The following ACOXL variants were observed in gnomAD, a reference collection of about 807,000 sequenced individuals.
The protein encoded by ACOXL is acyl-CoA oxidase like.
ACOXL carries 70 observed loss-of-function variants against 71.9 expected under a neutral mutation model. That is an observed-to-expected ratio of 0.97 (90% CI 0.80 to 1.19). The LOEUF (loss-of-function observed/expected upper bound fraction) is 1.19, where lower values mean the gene tolerates loss of function less well. ACOXL is among the 50% of genes most tolerant of loss of function. The probability of loss-of-function intolerance (pLI) is 0.00; values close to 1 mark genes in which losing one functional copy is unlikely to be tolerated. For synonymous variants in ACOXL, 253 were observed against 281.6 expected (o/e 0.90, Z 1.02); for missense variants, 703 against 736.3 (o/e 0.95, Z 0.52).
At chr2:110,879,176 A>AT (rs1180498417) in intron 10 of ACOXL, among the ~76,000 whole-genome samples, 3 of 152,214 alleles carry the variant, frequency 2.0e-5, no homozygotes, top group Non-Finnish European at 4.4e-5. Flanking sequence ...AAAGGACACA[A>AT]TTTTTGAGTC....
At chr2:111,021,914 G>A (rs1331868651) in intron 14 of ACOXL, among the ~76,000 whole-genome samples, 1 of 151,720 alleles carries the variant, frequency 6.6e-6, no homozygotes, top group East Asian at 1.9e-4. Flanking sequence ...CAGAAAGGCA[G>A]AAAAACACGG....
chr2:111,022,855 G>C (rs558100536), intron 14 of ACOXL, among the ~76,000 whole-genome samples: 1 of 152,162 alleles, frequency 6.6e-6, no homozygotes, highest in Non-Finnish European at 1.5e-5. Flanking sequence ...GAGAAGAAAA[G>C]GAAGGAGAAG....
chr2:110,947,034 C>T (rs1252612271), intron 12 of ACOXL, among the ~76,000 whole-genome samples: 1 of 152,206 alleles, frequency 6.6e-6, no homozygotes, highest in Admixed American at 6.5e-5. Context: ...GCATTTCAGC[C>T]TCTAATCGCA....
chr2:110,924,742 A>G (rs1459872998), intron 11 of ACOXL, among the ~76,000 whole-genome samples: 2 of 151,968 alleles, frequency 1.3e-5, no homozygotes, highest in Admixed American at 1.3e-4. Flanking sequence ...TGGAACATCA[A>G]CTTCTTCTGA....
At chr2:110,755,906 TAA>T (rs151151259) in intron 1 of ACOXL, among the ~76,000 whole-genome samples, 2 of 151,818 alleles carry the variant, frequency 1.3e-5, no homozygotes, top group African/African-American at 4.8e-5. Flanking sequence ...TTAAAGAAAT[TAA>T]AAAAAATACA....
chr2:110,900,975 C>T (rs994618860), intron 10 of ACOXL, among the ~76,000 whole-genome samples: 2 of 152,168 alleles, frequency 1.3e-5, no homozygotes, highest in African/African-American at 2.4e-5. Flanking sequence ...GTGGTCTCCA[C>T]GGGGGTCATC....
rs1369011621 is a variant in ACOXL, at chr2:110,827,758, G to C, written c.754-13613G>C. Among the ~76,000 whole-genome samples the C allele has an allele frequency of 2.6e-5, 4 of 152,056 alleles. No individual in the cohort carries two copies. The South Asian group carries it at 8.3e-4, about 32-fold the overall frequency. On this transcript the variant is annotated intron_variant, in intron 9 of 17. Transcript: ENST00000439055. ...AGGAAGGTGGTTGGGCATGGGGTGA[G>C]GATGAGGGGAGGAGAGGAGGGCAAG...
At chr2:110,906,080 A>G (rs1345840362) in intron 10 of ACOXL, among the ~76,000 whole-genome samples, 1 of 152,120 alleles carries the variant, frequency 6.6e-6, no homozygotes, top group African/African-American at 2.4e-5. Flanking sequence ...CTGGCATCCA[A>G]AGACCTTCTC....
At chr2:111,079,377 A>G (rs1019072448) in intron 16 of ACOXL, among the ~76,000 whole-genome samples, 17 of 152,170 alleles carry the variant, frequency 1.1e-4, no homozygotes, top group Non-Finnish European at 2.5e-4. Flanking sequence ...GTGTCTGTTC[A>G]AAGTCTTTTG....
chr2:111,106,260 G>C (rs1323552449), intron 17 of ACOXL, among the ~76,000 whole-genome samples: 2 of 152,044 alleles, frequency 1.3e-5, no homozygotes, highest in Non-Finnish European at 2.9e-5. Flanking sequence ...CCATCTTTCA[G>C]TTCACCAATT....
intron 14 of ACOXL, among the ~76,000 whole-genome samples, chr2:111,022,919 G>A (rs371968610): frequency 1.6e-4 from 25 of 152,328 alleles, no homozygotes; most frequent in African/African-American, 5.5e-4. Flanking sequence ...GACATTTCCC[G>A]TGACTCTGCA....
chr2:111,022,903 G>C (rs2064837233), intron 14 of ACOXL, among the ~76,000 whole-genome samples: 1 of 152,232 alleles, frequency 6.6e-6, no homozygotes, highest in South Asian at 2.1e-4. Context: ...GGAAGATCTG[G>C]CTTGCGACAT....
At chr2:110,955,635 C>A (rs943311141) in intron 12 of ACOXL, among the ~76,000 whole-genome samples, 2 of 152,156 alleles carry the variant, frequency 1.3e-5, no homozygotes, top group Non-Finnish European at 1.5e-5. Context: ...TGTCTGCCCC[C>A]AAAGGCTTCT....
At chr2:110,933,696 G>A in intron 12 of ACOXL, 54 bp downstream of exon 12, 3 of 1,547,692 alleles carry the variant, frequency 1.9e-6, no homozygotes, top group Non-Finnish European at 1.7e-6. Flanking sequence ...ACCCACACTG[G>A]GGGAGCACTG....
intron 10 of ACOXL, among the ~76,000 whole-genome samples, chr2:110,899,726 G>A (rs1052967292): frequency 6.6e-6 from 1 of 152,076 alleles, no homozygotes; most frequent in African/African-American, 2.4e-5. Flanking sequence ...GCATTCATTA[G>A]TATACAATTT....
intron 10 of ACOXL, chr2:110,886,934 G>T: frequency 6.7e-7 from 1 of 1,497,010 alleles, no homozygotes; most frequent in Admixed American, 2.0e-5. Context: ...GGGTTTTCCC[G>T]TGGCAGATCC....
intron 11 of ACOXL, among the ~76,000 whole-genome samples, chr2:110,918,600 A>G (rs2059950599): frequency 6.6e-6 from 1 of 152,254 alleles, no homozygotes; most frequent in Non-Finnish European, 1.5e-5. Flanking sequence ...AGAAACTATC[A>G]TCAGAGTGAA....
At chr2:110,985,106 A>G (rs1471692) in intron 12 of ACOXL, among the ~76,000 whole-genome samples, 59,327 of 152,144 alleles carry the variant, frequency 0.39, 13,094 homozygotes, top group African/African-American at 0.6. Flanking sequence ...AATTTTATAG[A>G]TTAGCAAAAA....
chr2:110,910,126 G>A lies in ACOXL; in HGVS notation c.905+1221G>A, dbSNP rs11887427. On this transcript the variant is annotated intron_variant, in intron 11 of 17. Transcript: ENST00000439055. ...CCATCATCCCCAAAAGTTCCCTCTG[G>A]CCCCTTTGCAGTTGACCCTCACCTC... 5.9e-3 allele frequency among the ~76,000 whole-genome samples: 896 copies of A among 152,066 alleles called. 11 individuals carry two copies. The highest frequency in any genetic ancestry group is 0.019 in the African/African-American group (806 of 41,494).
Sources: allele counts gnomAD v4.1 joint callset (sites outside exome capture counted in the v4.1 genomes callset), GRCh38; gene constraint gnomAD v4.1.1; transcripts MANE v1.5; gene names NCBI Gene and HGNC (gene_info 2026-07-23, HGNC 2026-07-21).